SORCS1: variants seen among roughly 807,000 people sequenced by gnomAD.
SORCS1 encodes the protein sortilin related VPS10 domain containing receptor 1.
Under a neutral mutation model 146.1 loss-of-function variants are expected in SORCS1, and 60 were observed. The observed-to-expected ratio is 0.41, with a 90% CI of 0.33 to 0.51. The LOEUF (loss-of-function observed/expected upper bound fraction) is 0.51, where lower values mean the gene tolerates loss of function less well. Ranked by LOEUF, SORCS1 falls within the 20% of genes least tolerant of loss-of-function variation. The pLI is 0.21. For missense variants in SORCS1, 1,352 were observed against 1,487.6 expected (o/e 0.91, Z 1.50); for synonymous variants, 637 against 584.0 (o/e 1.09, Z -1.31).
intron 25 of SORCS1, chr10:106,578,150 G>T (rs1040014154): frequency 6.6e-6 from 1 of 152,162 alleles, no homozygotes; most frequent in Non-Finnish European, 1.5e-5. Context: ...GGATCTAGAT[G>T]TAAACATATA....
At chr10:106,978,039 G>T (rs1314134201) in intron 1 of SORCS1, among the ~76,000 whole-genome samples, 1 of 152,180 alleles carries the variant, frequency 6.6e-6, no homozygotes, top group East Asian at 1.9e-4. Context: ...TGCCTCCTGG[G>T]TTCAAGCGAT....
chr10:106,754,697 T>C (rs529054079), intron 5 of SORCS1, among the ~76,000 whole-genome samples: 1 of 152,300 alleles, frequency 6.6e-6, no homozygotes, highest in East Asian at 1.9e-4. Flanking sequence ...CATGCTGAAA[T>C]GCACTGAGTA....
chr10:106,843,840 T>C (rs551875837), intron 2 of SORCS1, among the ~76,000 whole-genome samples: 4 of 152,362 alleles, frequency 2.6e-5, no homozygotes, highest in Admixed American at 2.6e-4. Flanking sequence ...ATCTTGGCTA[T>C]TGTGAATAAT....
At chr10:106,615,098 G>A (rs191854213) in intron 21 of SORCS1, among the ~76,000 whole-genome samples, 2 of 152,052 alleles carry the variant, frequency 1.3e-5, no homozygotes, top group Non-Finnish European at 2.9e-5. Flanking sequence ...ACAAGTTTCT[G>A]TTTCTTCCTG....
chr10:106,767,645 C>T (rs937932813), intron 4 of SORCS1, among the ~76,000 whole-genome samples: 10 of 152,076 alleles, frequency 6.6e-5, no homozygotes, highest in African/African-American at 9.7e-5. Context: ...TGCACCACCA[C>T]GCCCGGCTAA....
At chr10:106,597,504 C>T (rs1398248221) in intron 23 of SORCS1, 54 bp from the exon 24 acceptor site, 1 of 1,333,086 alleles carries the variant, frequency 7.5e-7, no homozygotes, top group Non-Finnish European at 1.1e-6. Flanking sequence ...GATTATAAAC[C>T]AATAAGCTTA....
intron 3 of SORCS1, among the ~76,000 whole-genome samples, chr10:106,811,418 T>C (rs1448907167): frequency 1.3e-5 from 2 of 152,202 alleles, no homozygotes; most frequent in South Asian, 4.1e-4. Context: ...AGTGTAGTAC[T>C]TGGTCTACGT....
At chr10:107,176,999 G>A in the SORCS1 span, among the ~76,000 whole-genome samples, 26 of 151,860 alleles carry the variant, frequency 1.7e-4, no homozygotes, top group Non-Finnish European at 2.6e-4. Flanking sequence ...ATTTGTTTTC[G>A]ATTTGTTATT....
intron 17 of SORCS1, among the ~76,000 whole-genome samples, chr10:106,655,168 A>AT (rs1850188710): frequency 1.3e-5 from 2 of 152,068 alleles, no homozygotes; most frequent in African/African-American, 2.4e-5. Flanking sequence ...TCTGATATTT[A>AT]TTTTTTTAAA....
intron 13 of SORCS1, among the ~76,000 whole-genome samples, chr10:106,677,045 T>A (rs12247948): frequency 2.6e-5 from 4 of 152,118 alleles, no homozygotes; most frequent in African/African-American, 9.7e-5. Context: ...TATAAACCCC[T>A]ACTTTTAGTC....
At chr10:106,976,755 CTTTG>C (rs796641151) in intron 1 of SORCS1, among the ~76,000 whole-genome samples, 14 of 152,238 alleles carry the variant, frequency 9.2e-5, no homozygotes, top group Admixed American at 2.6e-4. Context: ...TATGTGTTCT[CTTTG>C]TTTAACTCCC....
intron 24 of SORCS1, among the ~76,000 whole-genome samples, chr10:106,587,117 T>G (rs1845288642): frequency 6.6e-6 from 1 of 152,198 alleles, no homozygotes; most frequent in Admixed American, 6.5e-5. Flanking sequence ...GAAAAGCCGC[T>G]GGGTCTATGT....
chr10:107,056,977 G>A (rs2134088922), intron 1 of SORCS1, among the ~76,000 whole-genome samples: 1 of 152,294 alleles, frequency 6.6e-6, no homozygotes, highest in Non-Finnish European at 1.5e-5. Flanking sequence ...TTGTCACCGT[G>A]TGCACGGAGA....
chr10:107,105,073 T>G (rs1351156426), intron 1 of SORCS1, among the ~76,000 whole-genome samples: 1 of 152,228 alleles, frequency 6.6e-6, no homozygotes, highest in Non-Finnish European at 1.5e-5. Context: ...CTGATAATAC[T>G]GATACCGATC....
In SORCS1 at chr10:106,681,190, T is replaced by C. The variant is rs374921355; in HGVS notation, c.1561-1456A>G. ...CTAGAACAGATATAATTAAATGCTG[T>C]GGATGTTCCAGAACAGCATAGTACA... is the stretch of plus-strand genomic sequence containing the variant. On this transcript the variant is annotated intron_variant, in intron 10 of 25. Transcript: ENST00000263054. Among the ~76,000 whole-genome samples, 548 of 152,316 alleles carry C rather than the reference T, an allele frequency of 3.6e-3. 6 individuals are homozygous for C. Among genetic ancestry groups the C allele is most frequent in the African/African-American group, 0.013 (531 of 41,572 alleles).
At chr10:107,052,064 A>G (rs1000709571) in intron 1 of SORCS1, among the ~76,000 whole-genome samples, 3 of 152,136 alleles carry the variant, frequency 2.0e-5, no homozygotes, top group Admixed American at 1.3e-4. Context: ...TCATGCTTCA[A>G]TTGTTGCTAC....
At chr10:106,754,210 T>C (rs182219730) in intron 5 of SORCS1, among the ~76,000 whole-genome samples, 115 of 152,324 alleles carry the variant, frequency 7.5e-4, no homozygotes, top group African/African-American at 2.6e-3. Flanking sequence ...GCTAGGAGTT[T>C]TTCTGGAACA....
chr10:107,042,586 G>A (rs1214897828), intron 1 of SORCS1, among the ~76,000 whole-genome samples: 1 of 150,486 alleles, frequency 6.6e-6, no homozygotes, highest in Non-Finnish European at 1.5e-5. Flanking sequence ...GGGAACCCCT[G>A]ATTTTACCAG....
chr10:107,110,318 T>G (rs1443042838), intron 1 of SORCS1, among the ~76,000 whole-genome samples: 9 of 152,192 alleles, frequency 5.9e-5, no homozygotes, highest in Admixed American at 5.2e-4. Context: ...AAGAAATACC[T>G]AAGACAAGGT....
Sources: allele counts gnomAD v4.1 joint callset (sites outside exome capture counted in the v4.1 genomes callset), GRCh38; gene constraint gnomAD v4.1.1; transcripts MANE v1.5; gene names NCBI Gene and HGNC (gene_info 2026-07-23, HGNC 2026-07-21).